The following GRID2 variants were observed in gnomAD, a reference collection of about 807,000 sequenced individuals.
GRID2 encodes the protein glutamate receptor ionotropic, delta-2.
Under a neutral mutation model 114.8 loss-of-function variants are expected in GRID2, and 33 were observed. The ratio of observed to expected loss-of-function variants is 0.29; its 90% CI spans 0.22 to 0.38. GRID2 has a LOEUF of 0.38. Ranked by LOEUF, GRID2 falls within the 10% of genes least tolerant of loss-of-function variation. The pLI is 1.00. For missense variants in GRID2, 1,184 were observed against 1,257.7 expected (o/e 0.94, Z 0.89); for synonymous variants, 505 against 449.9 (o/e 1.12, Z -1.55).
chr4:93,442,075 ATCT>A (rs1393781366), intron 10 of GRID2, among the ~76,000 whole-genome samples: 1 of 152,050 alleles, frequency 6.6e-6, no homozygotes, highest in African/African-American at 2.4e-5. Context: ...GGAGCTAGTT[ATCT>A]TCTTATTAAC....
chr4:93,365,598 A>G (rs1380123517), intron 8 of GRID2, among the ~76,000 whole-genome samples: 1 of 152,068 alleles, frequency 6.6e-6, no homozygotes, highest in Non-Finnish European at 1.5e-5. Flanking sequence ...TTCTGCTTTG[A>G]GTAGTAGTCT....
chr4:92,423,910 TA>T (rs1732024865), intron 1 of GRID2, among the ~76,000 whole-genome samples: 1 of 152,056 alleles, frequency 6.6e-6, no homozygotes, highest in African/African-American at 2.4e-5. Context: ...ATAATATTCA[TA>T]AATTAAAAAA....
At chr4:93,781,836 G>C (rs1454869241) in intron 1 of GRID2, among the ~76,000 whole-genome samples, 2 of 152,140 alleles carry the variant, frequency 1.3e-5, no homozygotes, top group Non-Finnish European at 2.9e-5. Context: ...TGAATCCATA[G>C]ATGTGAAACC....
chr4:92,892,649 G>A (rs919876975), intron 2 of GRID2, among the ~76,000 whole-genome samples: 8 of 152,122 alleles, frequency 5.3e-5, no homozygotes, highest in Non-Finnish European at 1.0e-4. Context: ...CAAACTGCCA[G>A]TTCATGACCC....
chr4:92,734,930 G>A (rs115332911), intron 2 of GRID2, among the ~76,000 whole-genome samples: 216 of 151,380 alleles, frequency 1.4e-3, no homozygotes, highest in African/African-American at 4.9e-3. Context: ...AGGCATGTAC[G>A]ATCACATCCA....
intron 14 of GRID2, among the ~76,000 whole-genome samples, chr4:93,721,973 C>T (rs1729416471): frequency 1.4e-5 from 2 of 144,560 alleles, no homozygotes; most frequent in South Asian, 4.3e-4. Flanking sequence ...GGCTGGAGTG[C>T]AATGGCATGA....
chr4:92,405,756 T>C (rs1192511951), intron 1 of GRID2, among the ~76,000 whole-genome samples: 1 of 151,818 alleles, frequency 6.6e-6, no homozygotes, highest in Non-Finnish European at 1.5e-5. Flanking sequence ...TTTCATGAGG[T>C]CTTATTTCTA....
chr4:92,834,945 A>G (rs1742351541), intron 2 of GRID2, among the ~76,000 whole-genome samples: 1 of 152,124 alleles, frequency 6.6e-6, no homozygotes, highest in Non-Finnish European at 1.5e-5. Flanking sequence ...CGCCTTGGAA[A>G]TGTATGATGA....
intron 1 of GRID2, among the ~76,000 whole-genome samples, chr4:92,498,733 A>G (rs897208567): frequency 6.6e-6 from 1 of 151,904 alleles, no homozygotes; most frequent in African/African-American, 2.4e-5. Context: ...ACAGGGAAGC[A>G]TAATCCCATC....
chr4:93,690,758 T>C (rs1726482985), intron 14 of GRID2, among the ~76,000 whole-genome samples: 1 of 151,684 alleles, frequency 6.6e-6, no homozygotes, highest in Non-Finnish European at 1.5e-5. Context: ...ACATAGTGCA[T>C]TATACTGGAA....
chr4:92,953,797 C>A (rs1308409804), intron 2 of GRID2, among the ~76,000 whole-genome samples: 1 of 152,038 alleles, frequency 6.6e-6, no homozygotes, highest in South Asian at 2.1e-4. Flanking sequence ...AAAAGTATCA[C>A]AGAAATGTGC....
intron 1 of GRID2, among the ~76,000 whole-genome samples, chr4:92,370,685 T>A (rs1729077267): frequency 6.6e-6 from 1 of 152,094 alleles, no homozygotes; most frequent in Non-Finnish European, 1.5e-5. Flanking sequence ...TCATTTTCAA[T>A]CAAAAGCTAA....
At chr4:92,361,681 A>T (rs1425804247) in intron 1 of GRID2, among the ~76,000 whole-genome samples, 4 of 151,998 alleles carry the variant, frequency 2.6e-5, no homozygotes, top group Non-Finnish European at 5.9e-5. Flanking sequence ...CAGTGGATAT[A>T]AAAAAGTTTG....
chr4:93,776,356 T>G (rs1734369550), downstream of GRID2, among the ~76,000 whole-genome samples: 1 of 152,246 alleles, frequency 6.6e-6, no homozygotes, highest in African/African-American at 2.4e-5. Context: ...TGAGCTTCCC[T>G]AGGTAGAAAT....
chr4:93,306,789 G>A (rs1755468565), intron 8 of GRID2, among the ~76,000 whole-genome samples: 1 of 152,120 alleles, frequency 6.6e-6, no homozygotes, highest in African/African-American at 2.4e-5. Context: ...GGGCGTTCTT[G>A]TTCTTTCTTG....
At chr4:92,602,778 A>G (rs1330614500) in intron 2 of GRID2, among the ~76,000 whole-genome samples, 7 of 152,208 alleles carry the variant, frequency 4.6e-5, no homozygotes, top group Non-Finnish European at 8.8e-5. Flanking sequence ...CTGTTTGTAG[A>G]TGACATGATC....
intron 2 of GRID2, among the ~76,000 whole-genome samples, chr4:92,817,823 C>A (rs147278555): frequency 1.3e-5 from 2 of 151,772 alleles, no homozygotes; most frequent in South Asian, 4.1e-4. Context: ...TGAGCCCTTG[C>A]GTCCAGCCTT....
chr4:92,933,942 GT>G (rs1340395216), intron 2 of GRID2, among the ~76,000 whole-genome samples: 1 of 151,512 alleles, frequency 6.6e-6, no homozygotes, highest in Non-Finnish European at 1.5e-5. Context: ...TAGAAGCAGT[GT>G]TTTTTACTCT....
At chr4:92,529,896 G>T (rs1725244075) in intron 1 of GRID2, among the ~76,000 whole-genome samples, 2 of 152,010 alleles carry the variant, frequency 1.3e-5, no homozygotes, top group African/African-American at 4.8e-5. Flanking sequence ...ATAGTAAAAA[G>T]CTTTAGAGAT....
Sources: gnomAD v4.1 joint callset for allele counts (sites outside exome capture counted in the v4.1 genomes callset) on GRCh38, gnomAD v4.1.1 for gene constraint, MANE v1.5 for transcripts, NCBI Gene and HGNC (gene_info 2026-07-23, HGNC 2026-07-21) for gene names.